Variants in F13A1 observed in about 807,000 individuals in gnomAD.
F13A1 encodes FSF, A subunit.
A neutral mutation model predicts 80.1 loss-of-function variants in F13A1; 47 were observed. The ratio of observed to expected loss-of-function variants is 0.59; its 90% CI spans 0.46 to 0.75. The LOEUF (loss-of-function observed/expected upper bound fraction) is 0.75. F13A1 is among the 30% of genes least tolerant of loss of function. The pLI is 0.00. For synonymous variants in F13A1, 349 were observed against 344.9 expected, an observed-to-expected ratio of 1.01 and a Z score of -0.13; for missense variants, 817 against 930.4, an observed-to-expected ratio of 0.88 and a Z score of 1.59.
rs1263571964 is a variant in F13A1, at chr6:6,144,285, G to T, written c.*1334C>A. 1 of 152,184 alleles carries T rather than the reference G, an allele frequency of 6.6e-6. No homozygotes were observed. Among genetic ancestry groups the T allele is most frequent in the Admixed American group, 6.5e-5 (1 of 15,276 alleles). 9.4% of individuals were successfully genotyped at this position (152,184 alleles called of 1,614,324 possible). On this transcript the variant is annotated 3_prime_UTR_variant, in exon 15 of 15. Transcript: ENST00000264870. ...GGGACCAGCTCACCCTCATAGGTTA[G>T]TGCTGAAGGCTCAGGAACAGTCTCA...
At chr6:6,181,566 T>C (rs1760986932) in intron 11 of F13A1, among the ~76,000 whole-genome samples, 1 of 152,222 alleles carries the variant, frequency 6.6e-6, no homozygotes, top group Non-Finnish European at 1.5e-5. Context: ...GATAATGTAA[T>C]AGAACAATGT....
Position 6,305,419 on chromosome 6 carries a change from T to C in F13A1, c.251A>G (p.Tyr84Cys). ...KLIVRRGQSF[Y>C]VQIDFSRPYD... ...TGGACGACTGAAGTCAATCTGCACA[T>C]AGAAAGACTGCCCTCTGCGGACAAT... The change falls in exon 3 of 15, where the codon TAT becomes TGT. Residue 84 changes from tyrosine to cysteine, a missense_variant. Physicochemically the swap from Tyr to Cys is radical, Grantham distance 194 (BLOSUM62 -2). Transcript: ENST00000264870. 6.2e-7 allele frequency: 1 copy of C among 1,614,226 alleles called. No individual in the cohort carries two copies. The highest frequency in any genetic ancestry group is 8.5e-7 in the Non-Finnish European group (1 of 1,180,040).
intron 13 of F13A1, among the ~76,000 whole-genome samples, chr6:6,166,738 C>T (rs549616495): frequency 1.9e-4 from 29 of 152,326 alleles, no homozygotes; most frequent in African/African-American, 5.3e-4. Flanking sequence ...CATCAACCCT[C>T]GGCCTTCCTC....
rs573651703 is a variant in F13A1, at chr6:6,320,431, G to A, written c.-19+156C>T. 2.2e-4 allele frequency among the ~76,000 whole-genome samples: 33 copies of A among 152,302 alleles called. 1 individual carries two copies. The highest frequency in any genetic ancestry group is 1.4e-3 in the Admixed American group (22 of 15,312). On this transcript the variant is annotated intron_variant, in intron 1 of 14. Coordinates refer to ENST00000264870, the MANE Select transcript of F13A1 (RefSeq NM_000129.4). ...AGAAGCTGGGCTGGGCAGGTGCGGA[G>A]TTGGGGGCGGGAAGCCAGGATTGGG...
chr6:6,226,793 A>G (rs1373118118), intron 6 of F13A1, among the ~76,000 whole-genome samples: 1 of 152,252 alleles, frequency 6.6e-6, no homozygotes, highest in Non-Finnish European at 1.5e-5. Flanking sequence ...ATAAGACCTT[A>G]TGCCTGGAGA....
chr6:6,299,218 T>C (rs1758381551), intron 3 of F13A1, among the ~76,000 whole-genome samples: 1 of 126,734 alleles, frequency 7.9e-6, no homozygotes, highest in Admixed American at 8.0e-5. Flanking sequence ...AATCTGACAA[T>C]TATGTGTCTT....
chr6:6,282,192 T>C (rs1291418397), intron 3 of F13A1, among the ~76,000 whole-genome samples: 1 of 152,088 alleles, frequency 6.6e-6, no homozygotes, highest in African/African-American at 2.4e-5. Flanking sequence ...TCTATTAAAA[T>C]GAAGTGGAGT....
intron 3 of F13A1, among the ~76,000 whole-genome samples, chr6:6,273,469 G>T (rs1159984471): frequency 6.6e-6 from 1 of 152,112 alleles, no homozygotes; most frequent in African/African-American, 2.4e-5. Context: ...TCCTCAGAGG[G>T]TGTTTTCCAT....
chr6:6,247,508 A>G (rs1757570299), intron 6 of F13A1, among the ~76,000 whole-genome samples: 1 of 152,152 alleles, frequency 6.6e-6, no homozygotes, highest in African/African-American at 2.4e-5. Context: ...ATAATCCAGG[A>G]CTGCATGGGT....
At chr6:6,224,931 C>A in intron 6 of F13A1, 71 bp from the exon 7 acceptor site, 1 of 1,520,088 alleles carries the variant, frequency 6.6e-7, no homozygotes, top group Non-Finnish European at 9.1e-7. Context: ...CTATGCATGG[C>A]GCAAGCTATG....
chr6:6,204,402 C>A lies in F13A1; in HGVS notation c.1113-7076G>T, dbSNP rs111454772. Reference sequence around the variant, plus strand: ...CAACTGTAAACCAAGGGTTTGAATTCTTTCATAGCAAAACTGGCAGGGGGT... The same window carrying A: ...CAACTGTAAACCAAGGGTTTGAATTATTTCATAGCAAAACTGGCAGGGGGT... On this transcript the variant is annotated intron_variant, in intron 8 of 14. Transcript: ENST00000264870. Among the ~76,000 whole-genome samples, 965 of 152,330 alleles carry A rather than the reference C, an allele frequency of 6.3e-3. 14 individuals are homozygous for A. Among genetic ancestry groups the A allele is most frequent in the African/African-American group, 0.021 (887 of 41,576 alleles).
intron 2 of F13A1, among the ~76,000 whole-genome samples, chr6:6,310,278 T>A (rs78066754): frequency 9.2e-5 from 14 of 152,154 alleles, no homozygotes; most frequent in Non-Finnish European, 1.9e-4. Context: ...ACCACAGATA[T>A]CTCAGAGGGG....
chr6:6,313,976 T>C (rs1227184335), intron 2 of F13A1, among the ~76,000 whole-genome samples: 1 of 88,510 alleles, frequency 1.1e-5, no homozygotes, highest in Non-Finnish European at 2.1e-5. Flanking sequence ...TTCTCCATTT[T>C]CTCCTTACTC....
At chr6:6,149,170 C>T (rs1193245750) in intron 14 of F13A1, among the ~76,000 whole-genome samples, 2 of 152,042 alleles carry the variant, frequency 1.3e-5, no homozygotes, top group African/African-American at 4.8e-5. Flanking sequence ...CTATGATTAA[C>T]AGTAGGTATT....
At chr6:6,268,234 G>T (rs1757872257) in intron 3 of F13A1, among the ~76,000 whole-genome samples, 1 of 152,182 alleles carries the variant, frequency 6.6e-6, no homozygotes, top group Non-Finnish European at 1.5e-5. Context: ...TCATAGAGCT[G>T]ATATTCCACA....
chr6:6,296,537 GCT>G (rs1301542136), intron 3 of F13A1, among the ~76,000 whole-genome samples: 1 of 150,912 alleles, frequency 6.6e-6, no homozygotes, highest in Non-Finnish European at 1.5e-5. Context: ...TCATGATTTG[GCT>G]CTCTGTTTGT....
chr6:6,146,112 T>C (rs1760275238), intron 14 of F13A1, among the ~76,000 whole-genome samples: 1 of 152,174 alleles, frequency 6.6e-6, no homozygotes, highest in South Asian at 2.1e-4. Flanking sequence ...AGTAGCCTTA[T>C]CTATGTGACT....
chr6:6,302,533 A>G (rs1031728723), intron 3 of F13A1, among the ~76,000 whole-genome samples: 2 of 152,226 alleles, frequency 1.3e-5, no homozygotes, highest in African/African-American at 4.8e-5. Context: ...CAGTAAAAAT[A>G]CAATATAAAA....
At chr6:6,315,899 T>A (rs926013767) in intron 2 of F13A1, among the ~76,000 whole-genome samples, 10 of 151,154 alleles carry the variant, frequency 6.6e-5, no homozygotes, top group Non-Finnish European at 1.2e-4. Context: ...TAAAAATGAG[T>A]GTTCTTTCCA....
Sources: allele counts gnomAD v4.1 joint callset (sites outside exome capture counted in the v4.1 genomes callset), GRCh38; gene constraint gnomAD v4.1.1; transcripts MANE v1.5; gene names NCBI Gene and HGNC (gene_info 2026-07-23, HGNC 2026-07-21).